SLC2A5: variants seen among roughly 807,000 people sequenced by gnomAD.
SLC2A5 encodes the protein solute carrier family 2 member 5, also known as solute carrier family 2, facilitated glucose transporter member 5.
Under a neutral mutation model 50.3 loss-of-function variants are expected in SLC2A5, and 56 were observed. The observed-to-expected ratio is 1.11, with a 90% CI of 0.90 to 1.39. SLC2A5 has a LOEUF of 1.39. Among genes scored for constraint, SLC2A5 ranks in the 40% most tolerant of loss-of-function variants. SLC2A5 has a pLI of 0.00. For missense variants in SLC2A5, 566 were observed against 650.1 expected, an observed-to-expected ratio of 0.87 and a Z score of 1.41; for synonymous variants, 269 against 281.9, an observed-to-expected ratio of 0.95 and a Z score of 0.46.
chr1:9,092,166 C>T (rs987646589), upstream of SLC2A5, among the ~76,000 whole-genome samples: 1 of 152,190 alleles, frequency 6.6e-6, no homozygotes, highest in African/African-American at 2.4e-5. Context: ...ATGAGGCTGA[C>T]TTGGGTAAAA....
chr1:9,042,466 G>A (rs564196232), intron 4 of SLC2A5, among the ~76,000 whole-genome samples: 68 of 150,992 alleles, frequency 4.5e-4, no homozygotes, highest in African/African-American at 1.6e-3. Context: ...TTTACATATG[G>A]TGTGTATGTC....
intron 2 of SLC2A5, among the ~76,000 whole-genome samples, chr1:9,076,430 A>C (rs921941468): frequency 2.6e-5 from 4 of 152,198 alleles, no homozygotes; most frequent in Admixed American, 2.6e-4. Flanking sequence ...ATAGGATTCA[A>C]GTGGTCCTTG....
rs368473750 is a variant in SLC2A5 at position 9,037,585 on chromosome 1, G to A, written c.*1C>T. The A allele has an allele frequency of 1.1e-4, 171 of 1,613,658 alleles. No individual in the cohort carries two copies. The highest frequency in any genetic ancestry group is 7.0e-4 in the Admixed American group (42 of 60,024). On this transcript the variant is annotated 3_prime_UTR_variant, in exon 12 of 12. Coordinates refer to ENST00000377424, the MANE Select transcript of SLC2A5 (RefSeq NM_003039.3). ...CAGCTCCACTGGCTTCCTCTCCAGAGTCACTGTTCCGAAGTGACAGGTGGA... is the reference window on the plus strand; with the variant it reads ...CAGCTCCACTGGCTTCCTCTCCAGAATCACTGTTCCGAAGTGACAGGTGGA...
chr1:9,046,073 C>A (rs769802737), intron 4 of SLC2A5, among the ~76,000 whole-genome samples: 3 of 152,056 alleles, frequency 2.0e-5, no homozygotes, highest in Non-Finnish European at 4.4e-5. Context: ...GGACAGCCAG[C>A]CAAATTATCC....
intron 2 of SLC2A5, among the ~76,000 whole-genome samples, chr1:9,083,513 A>G (rs1192888902): frequency 6.6e-6 from 1 of 152,196 alleles, no homozygotes; most frequent in Non-Finnish European, 1.5e-5. Context: ...GTAGGACCTC[A>G]TTATGTGCTC....
At chr1:9,057,636 A>G (rs749618559) in intron 2 of SLC2A5, 28 bp from the exon 3 acceptor site, 2 of 1,600,896 alleles carry the variant, frequency 1.2e-6, no homozygotes, top group Admixed American at 1.7e-5. Context: ...ACAGAACACC[A>G]AAATAATTTG....
At chr1:9,046,665 CGTGTGTGTGT>C (rs55827239) in intron 4 of SLC2A5, among the ~76,000 whole-genome samples, 62 of 147,328 alleles carry the variant, frequency 4.2e-4, no homozygotes, top group East Asian at 1.2e-3. Flanking sequence ...ACCTGGTTCT[CGTGTGTGTGT>C]GTGTGTGTGT....
In SLC2A5 at chr1:9,040,095, A is replaced by G. The variant is rs750494112; in HGVS notation, c.666T>C (p.Ile222=). ...TGGCGGCCGCTTCGTCTTTCTTCTG[A>G]ATCAGCAGGTACCTGGGGCTCTCGG... ...FFPESPRYLL[I]QKKDEAAAKK... is the part of the protein sequence containing the mutation. Residue 222 remains isoleucine, a synonymous_variant, in exon 6 of 12, where the codon ATT becomes ATC. Transcript: ENST00000377424. The surrounding 1 kb of genome is among the most constrained non-coding windows in gnomAD (Gnocchi z 4.3). The G allele has an allele frequency of 1.3e-6, 2 of 1,596,354 alleles. No homozygotes were observed. The highest frequency in any genetic ancestry group is 4.5e-5 in the East Asian group (2 of 44,410).
intron 3 of SLC2A5, among the ~76,000 whole-genome samples, chr1:9,049,926 C>T (rs897317789): frequency 3.9e-5 from 6 of 151,952 alleles, no homozygotes; most frequent in Non-Finnish European, 8.8e-5. Flanking sequence ...CACTTGTGTA[C>T]AGAAGTTCCA....
At chr1:9,063,681 CTTTTTTTTTTTTTTTT>C (rs70985579) in intron 1 of SLC2A5, among the ~76,000 whole-genome samples, 16 of 45,176 alleles carry the variant, frequency 3.5e-4, no homozygotes, top group East Asian at 7.0e-4. Context: ...CTATTATTTA[CTTTTTTTTTTTTTTTT>C]TTTTTTTTTT....
chr1:9,072,226 G>A (rs1228688592), upstream of SLC2A5: 1 of 152,280 alleles, frequency 6.6e-6, no homozygotes, highest in African/African-American at 2.4e-5. Context: ...ACTGTGAGAA[G>A]CCTAGTGGCT....
chr1:9,093,730 T>C, the SLC2A5 span, among the ~76,000 whole-genome samples: 3 of 152,306 alleles, frequency 2.0e-5, no homozygotes, highest in Middle Eastern at 3.4e-3. Context: ...CTATAAACCT[T>C]ACACAATCTC....
chr1:9,068,360 T>C (rs1642137623), intron 1 of SLC2A5, among the ~76,000 whole-genome samples: 1 of 151,628 alleles, frequency 6.6e-6, no homozygotes, highest in African/African-American at 2.4e-5. Flanking sequence ...ACTGAGGCAC[T>C]GAAGAGTTAA....
At chr1:9,066,689 A>G (rs947276552) in intron 1 of SLC2A5, among the ~76,000 whole-genome samples, 3 of 152,002 alleles carry the variant, frequency 2.0e-5, no homozygotes, top group Admixed American at 2.0e-4. Context: ...TCTACATAGG[A>G]GAAAAGCAGG....
At chr1:9,069,444 C>T in intron 1 of SLC2A5, 60 bp downstream of exon 1, 1 of 1,588,062 alleles carries the variant, frequency 6.3e-7, no homozygotes, top group Non-Finnish European at 8.6e-7. Flanking sequence ...TCCAGGAAGG[C>T]TGCACAGGCC....
In SLC2A5 at chr1:9,057,240, C is replaced by T. The variant is rs61177738; in HGVS notation, c.293+208G>A. On this transcript the variant is annotated intron_variant, in intron 3 of 11. Coordinates refer to ENST00000377424, the MANE Select transcript of SLC2A5 (RefSeq NM_003039.3). Reference sequence around the variant, plus strand: ...GGCGGAGGTTGCGGTGAGCCAAGATCGCGCCACTGCATTCCAGCCTGGCTG... The same window carrying T: ...GGCGGAGGTTGCGGTGAGCCAAGATTGCGCCACTGCATTCCAGCCTGGCTG... Among the ~76,000 whole-genome samples, 14 of 147,560 alleles carry T rather than the reference C, an allele frequency of 9.5e-5. No homozygotes were observed. In the East Asian group the frequency reaches 1.4e-3, roughly 15 times the overall value.
chr1:9,082,782 T>C (rs1642368202), intron 2 of SLC2A5: 1 of 428,030 alleles, frequency 2.3e-6, no homozygotes, highest in African/African-American at 2.2e-5. Context: ...TGACCTAAAG[T>C]AAATTCCCAG....
intron 4 of SLC2A5, among the ~76,000 whole-genome samples, chr1:9,042,599 G>A (rs1641332563): frequency 6.7e-6 from 1 of 149,856 alleles, no homozygotes; most frequent in African/African-American, 2.5e-5. Flanking sequence ...GCCTCTGTGT[G>A]TGTGTGTGTG....
intron 2 of SLC2A5, among the ~76,000 whole-genome samples, chr1:9,083,720 G>A (rs1483518330): frequency 6.6e-6 from 1 of 152,194 alleles, no homozygotes; most frequent in Non-Finnish European, 1.5e-5. Context: ...AGCTACTCGG[G>A]AGGCTGAGGC....
Sources: gnomAD v4.1 joint callset for allele counts (sites outside exome capture counted in the v4.1 genomes callset) on GRCh38, gnomAD v4.1.1 for gene constraint, Gnocchi (gnomAD v3.1) non-coding constraint, MANE v1.5 for transcripts, NCBI Gene and HGNC (gene_info 2026-07-23, HGNC 2026-07-21) for gene names.